FAH: variants seen among roughly 807,000 people sequenced by gnomAD.
FAH encodes the protein fumarylacetoacetate hydrolase.
In FAH, 47 loss-of-function variants were observed where a neutral mutation model predicts 55.8. The observed-to-expected ratio is 0.84, with a 90% CI of 0.67 to 1.07. The LOEUF (loss-of-function observed/expected upper bound fraction) is 1.07, where lower values mean the gene tolerates loss of function less well. FAH is among the 50% of genes least tolerant of loss of function. FAH has a pLI of 0.00. For missense variants in FAH, 495 were observed against 545.9 expected, an observed-to-expected ratio of 0.91 and a Z score of 0.93; for synonymous variants, 199 against 207.7, an observed-to-expected ratio of 0.96 and a Z score of 0.36.
chr15:80,178,025 C>T (rs899105159), intron 11 of FAH, among the ~76,000 whole-genome samples: 8 of 152,176 alleles, frequency 5.3e-5, no homozygotes, highest in African/African-American at 1.9e-4. Context: ...CATAATGAGA[C>T]CTTGTCTCTG....
At chr15:80,176,131 C>T (rs2041282290) in intron 10 of FAH, among the ~76,000 whole-genome samples, 1 of 152,174 alleles carries the variant, frequency 6.6e-6, no homozygotes, top group Non-Finnish European at 1.5e-5. Flanking sequence ...AGTCTTCTGC[C>T]TCAGCCTCCT....
intron 1 of FAH, among the ~76,000 whole-genome samples, chr15:80,154,417 A>G (rs904406421): frequency 2.6e-5 from 4 of 152,198 alleles, no homozygotes; most frequent in African/African-American, 9.7e-5. Flanking sequence ...TTCAGACACC[A>G]TGTCCCGCTG....
intron 5 of FAH, chr15:80,166,984 G>A (rs1192085173): frequency 6.6e-6 from 1 of 151,760 alleles, no homozygotes; most frequent in African/African-American, 2.4e-5. Context: ...TTTTCCTTAT[G>A]GCATTTACTT....
At chr15:80,173,261 C>A in intron 9 of FAH, 117 bp downstream of exon 9, 1 of 1,365,912 alleles carries the variant, frequency 7.3e-7, no homozygotes, top group Non-Finnish European at 1.0e-6. Flanking sequence ...TCTGTGCCCA[C>A]GGCATGCCCA....
At chr15:80,185,141 G>A (rs1242460398) in intron 13 of FAH, among the ~76,000 whole-genome samples, 2 of 152,208 alleles carry the variant, frequency 1.3e-5, no homozygotes, top group Non-Finnish European at 2.9e-5. Context: ...AACCTTGAGA[G>A]ATAAGCGTTG....
chr15:80,180,390 C>G (rs2041321175), intron 12 of FAH, 165 bp downstream of exon 12: 2 of 641,190 alleles, frequency 3.1e-6, no homozygotes, highest in East Asian at 5.6e-5. Flanking sequence ...GCAGGAGGGA[C>G]TTCTCATCCA....
chr15:80,180,006 G>A (rs2041315643), intron 11 of FAH, 118 bp from the exon 12 acceptor site: 3 of 754,176 alleles, frequency 4.0e-6, no homozygotes, highest in Non-Finnish European at 6.9e-6. Context: ...GGGGGAGCTG[G>A]GGACCGGGGA....
intron 13 of FAH, among the ~76,000 whole-genome samples, chr15:80,184,552 G>A (rs961384908): frequency 2.6e-5 from 4 of 151,944 alleles, no homozygotes; most frequent in African/African-American, 9.7e-5. Flanking sequence ...TTTCTGCTGG[G>A]AGCCAGTTTT....
At chr15:80,157,751 A>T in intron 1 of FAH, 1 of 434,462 alleles carries the variant, frequency 2.3e-6, no homozygotes, top group Non-Finnish European at 4.3e-6. Context: ...ATGCCTAGGG[A>T]ACTTTGCAGG....
intron 11 of FAH, among the ~76,000 whole-genome samples, chr15:80,179,635 G>A (rs960053553): frequency 8.5e-5 from 13 of 152,184 alleles, no homozygotes; most frequent in Admixed American, 5.9e-4. Context: ...TGTTTGAATC[G>A]TTCAGCTCCA....
At chr15:80,152,974 G>T (rs1031291810), upstream of FAH, 3 of 1,276,556 alleles carry the variant, frequency 2.4e-6, no homozygotes, top group Non-Finnish European at 3.4e-6. Context: ...GGGCGGGGCC[G>T]GGCCTGACCA....
At chr15:80,154,869 T>C (rs1312334231) in intron 1 of FAH, among the ~76,000 whole-genome samples, 1 of 151,978 alleles carries the variant, frequency 6.6e-6, no homozygotes, top group Non-Finnish European at 1.5e-5. Context: ...AAGGTAGGGG[T>C]GGTGGCCTCT....
intron 12 of FAH, among the ~76,000 whole-genome samples, chr15:80,180,628 GACCT>G (rs1271859086): frequency 6.6e-6 from 1 of 152,196 alleles, no homozygotes; most frequent in East Asian, 1.9e-4. Flanking sequence ...CAGAGATGAT[GACCT>G]TGGGGTGGTG....
intron 9 of FAH, 22 bp from the exon 10 acceptor site, chr15:80,174,994 G>T: frequency 6.2e-7 from 1 of 1,612,892 alleles, no homozygotes; most frequent in Non-Finnish European, 8.5e-7. Context: ...AGTGACCTCT[G>T]TGCTGTGCTT....
At chr15:80,166,513 A>T (rs926445882) in intron 5 of FAH, 3 of 152,106 alleles carry the variant, frequency 2.0e-5, no homozygotes, top group African/African-American at 7.2e-5. Context: ...ATTAGTTTAC[A>T]AGAGTGTTTT....
intron 10 of FAH, 200 bp from the exon 11 acceptor site, chr15:80,177,337 A>T: frequency 1.6e-6 from 1 of 612,828 alleles, no homozygotes; most frequent in Non-Finnish European, 2.9e-6. Context: ...GCGTGGGAGG[A>T]GGAAGTGATG....
intron 7 of FAH, 54 bp downstream of exon 7, chr15:80,168,370 A>G: frequency 1.3e-6 from 2 of 1,596,066 alleles, no homozygotes; most frequent in Non-Finnish European, 8.6e-7. Context: ...CCGGCAGGAG[A>G]GCCCTTTGGG....
chr15:80,173,794 A>ATGTGACC (rs1363501510), intron 9 of FAH: 1 of 167,848 alleles, frequency 6.0e-6, no homozygotes, highest in Non-Finnish European at 1.3e-5. Context: ...GGTTTCTGGC[A>ATGTGACC]TGTGACCTGT....
chr15:80,173,979 C>T (rs915459781), intron 9 of FAH, among the ~76,000 whole-genome samples: 1 of 152,178 alleles, frequency 6.6e-6, no homozygotes, highest in Non-Finnish European at 1.5e-5. Context: ...ACACTGCTCT[C>T]CCATGCTCCT....
Sources: allele counts gnomAD v4.1 joint callset (sites outside exome capture counted in the v4.1 genomes callset), GRCh38; gene constraint gnomAD v4.1.1; transcripts MANE v1.5; gene names NCBI Gene and HGNC (gene_info 2026-07-23, HGNC 2026-07-21).